The following DACH1 variants were observed in gnomAD, a reference collection of about 807,000 sequenced individuals.
The protein encoded by DACH1 is dachshund homolog 1.
Under a neutral mutation model 54.2 loss-of-function variants are expected in DACH1, and 12 were observed. That is an observed-to-expected ratio of 0.22 (90% confidence interval 0.14 to 0.36). The LOEUF (loss-of-function observed/expected upper bound fraction) is 0.36. Ranked by LOEUF, DACH1 falls within the 10% of genes least tolerant of loss-of-function variation. The probability of loss-of-function intolerance (pLI) is 1.00; values close to 1 mark genes in which losing one functional copy is unlikely to be tolerated. For missense variants in DACH1, 805 were observed against 929.8 expected, an observed-to-expected ratio of 0.87 and a Z score of 1.75; for synonymous variants, 386 against 366.2, an observed-to-expected ratio of 1.05 and a Z score of -0.62.
chr13:71,480,185 G>A (rs1213069468), intron 7 of DACH1, among the ~76,000 whole-genome samples: 2 of 152,118 alleles, frequency 1.3e-5, no homozygotes, highest in East Asian at 3.9e-4. Flanking sequence ...AGCAATTATA[G>A]TACTGCTACA....
At chr13:71,546,999 G>T (rs750991900) in intron 6 of DACH1, among the ~76,000 whole-genome samples, 1 of 151,870 alleles carries the variant, frequency 6.6e-6, no homozygotes, top group Admixed American at 6.6e-5. Context: ...AAACCCTTGC[G>T]TGTTATTCAA....
intron 6 of DACH1, among the ~76,000 whole-genome samples, chr13:71,495,929 C>T (rs527929694): frequency 6.6e-6 from 1 of 151,812 alleles, no homozygotes; most frequent in Non-Finnish European, 1.5e-5. Context: ...CAGGGGATGA[C>T]TGGATTAAAA....
At chr13:71,571,145 C>T (rs1431642934) in intron 4 of DACH1, among the ~76,000 whole-genome samples, 1 of 151,864 alleles carries the variant, frequency 6.6e-6, no homozygotes. Flanking sequence ...ATTTTAGTTA[C>T]CAGTTTTAAA....
chr13:71,839,035 A>G (rs1888912530), intron 1 of DACH1, among the ~76,000 whole-genome samples: 1 of 152,212 alleles, frequency 6.6e-6, no homozygotes, highest in South Asian at 2.1e-4. Flanking sequence ...TATTTCTTCG[A>G]GTCACAATCA....
intron 2 of DACH1, among the ~76,000 whole-genome samples, chr13:71,637,005 T>C (rs1259597091): frequency 6.6e-6 from 1 of 152,176 alleles, no homozygotes; most frequent in Non-Finnish European, 1.5e-5. Context: ...CTTTTTGATA[T>C]TCCACTAAAG....
At chr13:71,660,500 G>T (rs988625151) in intron 2 of DACH1, among the ~76,000 whole-genome samples, 1 of 151,786 alleles carries the variant, frequency 6.6e-6, no homozygotes, top group Non-Finnish European at 1.5e-5. Flanking sequence ...AATGTATTGG[G>T]GTTATGAGAC....
intron 1 of DACH1, among the ~76,000 whole-genome samples, chr13:71,838,771 ACTTGTCC>A (rs1888901186): frequency 2.0e-5 from 3 of 152,144 alleles, no homozygotes; most frequent in Non-Finnish European, 2.9e-5. Flanking sequence ...TATCCTTTGC[ACTTGTCC>A]TCCCATTAGC....
intron 3 of DACH1, among the ~76,000 whole-genome samples, chr13:71,595,422 T>C (rs1278518439): frequency 6.6e-6 from 1 of 152,136 alleles, no homozygotes; most frequent in Admixed American, 6.6e-5. Context: ...CTACTCTGGC[T>C]ACCATCAAAA....
intron 3 of DACH1, among the ~76,000 whole-genome samples, chr13:71,618,784 G>T (rs559384369): frequency 6.6e-6 from 1 of 151,894 alleles, no homozygotes; most frequent in South Asian, 2.1e-4. Context: ...AGGTCAATGG[G>T]TTAAAATAAT....
At chr13:71,663,973 A>G (rs1247610241) in intron 2 of DACH1, among the ~76,000 whole-genome samples, 1 of 151,986 alleles carries the variant, frequency 6.6e-6, no homozygotes, top group African/African-American at 2.4e-5. Context: ...TCCCAGATGT[A>G]AAATCTTAGT....
At chr13:71,489,249 A>T in intron 6 of DACH1, 101 bp from the exon 7 acceptor site, 4 of 1,332,962 alleles carry the variant, frequency 3.0e-6, no homozygotes, top group Non-Finnish European at 4.1e-6. Context: ...CATTTATTGC[A>T]AATTGGTTCC....
intron 1 of DACH1, among the ~76,000 whole-genome samples, chr13:71,716,639 T>C (rs1882982000): frequency 6.6e-6 from 1 of 152,092 alleles, no homozygotes; most frequent in Non-Finnish European, 1.5e-5. Context: ...TAGTATCATA[T>C]TAGTCTTTCT....
At chr13:71,773,423 T>C (rs1010184326) in intron 1 of DACH1, among the ~76,000 whole-genome samples, 1 of 151,942 alleles carries the variant, frequency 6.6e-6, no homozygotes, top group Non-Finnish European at 1.5e-5. Flanking sequence ...ATATTACAAG[T>C]CTGAGAATAT....
rs1038148453 is a variant in DACH1 at position 71,740,285 on chromosome 13, G to A, written c.849-58375C>T. 3.3e-5 allele frequency among the ~76,000 whole-genome samples: 5 copies of A among 151,706 alleles called. No homozygotes were observed. In the East Asian group the frequency reaches 9.7e-4, roughly 29 times the overall value. On this transcript the variant is annotated intron_variant, in intron 1 of 10. Transcript: ENST00000613252. ...ATTCCAAATACTTCACTCTTTACAAGTCAATTAAAGAAGAATTCACTCTAA... is the reference window on the plus strand; with the variant it reads ...ATTCCAAATACTTCACTCTTTACAAATCAATTAAAGAAGAATTCACTCTAA...
chr13:71,494,003 T>G (rs193028551), intron 6 of DACH1, among the ~76,000 whole-genome samples: 166 of 152,268 alleles, frequency 1.1e-3, no homozygotes, highest in African/African-American at 3.8e-3. Flanking sequence ...TAGATCACAG[T>G]TCAGTCACCT....
intron 1 of DACH1, among the ~76,000 whole-genome samples, chr13:71,691,867 T>C (rs1313985409): frequency 6.6e-6 from 1 of 152,126 alleles, no homozygotes; most frequent in Admixed American, 6.5e-5. Flanking sequence ...AATACTGTAG[T>C]AAATGTTGCA....
Position 71,630,564 on chromosome 13 carries a change from G to A in DACH1, c.1118C>T (p.Ser373Leu), listed in dbSNP as rs1877016402. Residue 373 changes from serine (S) to leucine (L), a missense_variant, in exon 3 of 11, where the codon TCA becomes TTA. Ser to Leu is a moderately radical substitution (Grantham distance 145). Around this residue, in one of 3 missense-constraint regions of DACH1, gnomAD observed 472 missense variants for 545.3 expected, o/e 0.87. Coordinates refer to ENST00000613252, the MANE Select transcript of DACH1 (RefSeq NM_080759.6). ...GCGAACATAAAACTTACCGACACTTGAATTCATGTCCCCGTTTTCAGAGTC... is the reference window on the plus strand; with the variant it reads ...GCGAACATAAAACTTACCGACACTTAAATTCATGTCCCCGTTTTCAGAGTC... The part of the protein sequence containing the change: ...GADSENGDMN[S>L]SVGLELPFMM... 1.9e-6 allele frequency: 3 copies of A among 1,588,998 alleles called. No homozygotes were observed. Among genetic ancestry groups the A allele is most frequent in the African/African-American group, 2.7e-5 (2 of 73,374 alleles).
At chr13:71,475,239 A>G (rs775789322) in intron 9 of DACH1, 30 bp from the exon 10 acceptor site, 29 of 1,580,606 alleles carry the variant, frequency 1.8e-5, no homozygotes, top group African/African-American at 2.7e-5. Flanking sequence ...AGAGTGACAC[A>G]TATTTCATTT....
chr13:71,527,468 T>TTGA (rs1882066322), intron 6 of DACH1, among the ~76,000 whole-genome samples: 1 of 152,216 alleles, frequency 6.6e-6, no homozygotes, highest in South Asian at 2.1e-4. Context: ...TGAAAGGGCT[T>TTGA]TGATAACTAA....
Sources: gnomAD v4.1 joint callset for allele counts (sites outside exome capture counted in the v4.1 genomes callset) on GRCh38, gnomAD v4.1.1 for gene constraint, gnomAD v4.1.1 regional missense constraint, MANE v1.5 for transcripts, NCBI Gene and HGNC (gene_info 2026-07-23, HGNC 2026-07-21) for gene names.